PTPRN2: variants seen among roughly 807,000 people sequenced by gnomAD.
PTPRN2 encodes protein tyrosine phosphatase receptor type N2.
In PTPRN2, 74 loss-of-function variants were observed where a neutral mutation model predicts 118.8. That is an observed-to-expected ratio of 0.62 (90% CI 0.52 to 0.76). PTPRN2 has a LOEUF of 0.76. PTPRN2 is among the 30% of genes least tolerant of loss of function. The pLI is 0.00. For synonymous variants in PTPRN2, 641 were observed against 608.0 expected, an observed-to-expected ratio of 1.05 and a Z score of -0.80; for missense variants, 1,481 against 1,394.4, an observed-to-expected ratio of 1.06 and a Z score of -0.99.
chr7:157,789,635 G>T (rs1293086684), intron 12 of PTPRN2, among the ~76,000 whole-genome samples: 1 of 151,810 alleles, frequency 6.6e-6, no homozygotes, highest in African/African-American at 2.4e-5. Context: ...GTGGTGTGTG[G>T]TGTGAAATGT....
Position 157,958,759 on chromosome 7 carries a change from C to G in PTPRN2, c.1724-60022G>C, listed in dbSNP as rs558351308. Among the ~76,000 whole-genome samples, 6 of 152,256 alleles carry G rather than the reference C, an allele frequency of 3.9e-5. No individual in the cohort carries two copies. In the South Asian group the frequency reaches 1.2e-3, roughly 32 times the overall value. On this transcript the variant is annotated intron_variant, in intron 11 of 22. Transcript: ENST00000389418. ...AAGTGTTGTTAAATGAAAGAAGACA[C>G]AAATAAGTGGAAAGACATCCCATCT...
intron 2 of PTPRN2, among the ~76,000 whole-genome samples, chr7:158,332,621 T>G (rs1400232012): frequency 6.7e-6 from 1 of 148,512 alleles, no homozygotes; most frequent in Non-Finnish European, 1.5e-5. Context: ...CCTGCAGATG[T>G]CACTCACACC....
chr7:157,720,930 G>A (rs972769166), intron 12 of PTPRN2, among the ~76,000 whole-genome samples: 15 of 152,284 alleles, frequency 9.9e-5, no homozygotes, highest in Admixed American at 5.9e-4. Flanking sequence ...AAAGCCCCTC[G>A]CGAGTTGAGG....
chr7:157,833,039 T>C (rs1240064177), intron 12 of PTPRN2, among the ~76,000 whole-genome samples: 1 of 151,606 alleles, frequency 6.6e-6, no homozygotes, highest in Non-Finnish European at 1.5e-5. Flanking sequence ...TCCTGTATGA[T>C]GGTAAACTCG....
intron 1 of PTPRN2, among the ~76,000 whole-genome samples, chr7:158,568,692 T>C (rs1827800732): frequency 6.6e-6 from 1 of 152,196 alleles, no homozygotes; most frequent in South Asian, 2.1e-4. Context: ...TTCTATCTTT[T>C]TAATTTCACA....
At chr7:158,151,674 T>G (rs1403708708) in intron 6 of PTPRN2, among the ~76,000 whole-genome samples, 1 of 152,112 alleles carries the variant, frequency 6.6e-6, no homozygotes, top group Non-Finnish European at 1.5e-5. Flanking sequence ...TCCCTCTTGT[T>G]TCCTTTCCCT....
At chr7:157,621,601 G>T (rs919495129) in intron 14 of PTPRN2, 92 bp from the exon 15 acceptor site, 12 of 1,517,328 alleles carry the variant, frequency 7.9e-6, no homozygotes, top group Non-Finnish European at 1.1e-5. Context: ...TGCACTCGCC[G>T]CGTGGGCCAT....
intron 2 of PTPRN2, among the ~76,000 whole-genome samples, chr7:158,337,192 C>G (rs1805774588): frequency 6.6e-6 from 1 of 152,170 alleles, no homozygotes; most frequent in Non-Finnish European, 1.5e-5. Flanking sequence ...CACCGACACT[C>G]TCACCATAAG....
At chr7:157,544,911 C>G (rs1467007011) in intron 22 of PTPRN2, among the ~76,000 whole-genome samples, 1 of 144,578 alleles carries the variant, frequency 6.9e-6, no homozygotes, top group Admixed American at 6.8e-5. Context: ...TGGGTGTGTG[C>G]AGCAGTGCAG....
chr7:157,928,591 G>A (rs1218643180), intron 11 of PTPRN2, among the ~76,000 whole-genome samples: 2 of 151,760 alleles, frequency 1.3e-5, no homozygotes, highest in Non-Finnish European at 2.9e-5. Flanking sequence ...CCGTGTCTCA[G>A]CGTCACTACC....
At chr7:158,213,206 TTGTGTGTGTGTGTGTGTGTG>T (rs57665784) in intron 3 of PTPRN2, among the ~76,000 whole-genome samples, 15 of 140,424 alleles carry the variant, frequency 1.1e-4, no homozygotes, top group Admixed American at 5.0e-4. Context: ...GGCTCTGTGC[TTGTGTGTGTGTGTGTGTGTG>T]TGTGTGTGTG....
intron 1 of PTPRN2, among the ~76,000 whole-genome samples, chr7:158,492,687 T>C (rs1335026977): frequency 6.6e-6 from 1 of 152,248 alleles, no homozygotes; most frequent in East Asian, 1.9e-4. Context: ...ATATGCTAAT[T>C]TGACTGCTAA....
At chr7:157,770,713 C>T (rs55877211) in intron 12 of PTPRN2, among the ~76,000 whole-genome samples, 17,241 of 152,246 alleles carry the variant, frequency 0.11, 1,072 homozygotes, top group Middle Eastern at 0.16. Flanking sequence ...CGGACATCCT[C>T]GGGAAGAGCG....
intron 11 of PTPRN2, among the ~76,000 whole-genome samples, chr7:158,071,348 CGTGGTGGTGGAGGTGCT>C (rs1811522781): frequency 2.2e-5 from 2 of 89,560 alleles, no homozygotes; most frequent in African/African-American, 9.1e-5. Flanking sequence ...TGGAGGTGCT[CGTGGTGGTGGAGGTGCT>C]CATGGTGGTG....
chr7:158,162,711 G>A (rs1226659877), intron 6 of PTPRN2, among the ~76,000 whole-genome samples: 1 of 152,038 alleles, frequency 6.6e-6, no homozygotes, highest in Non-Finnish European at 1.5e-5. Flanking sequence ...CTGCTTTAAA[G>A]CTCTTTGAAA....
At chr7:157,656,673 C>G in intron 13 of PTPRN2, 122 bp from the exon 14 acceptor site, 1 of 1,057,852 alleles carries the variant, frequency 9.5e-7, no homozygotes, top group Non-Finnish European at 1.4e-6. Flanking sequence ...TTCAGGCAGG[C>G]GAGAGTTTAC....
At chr7:157,709,831 T>C (rs1008833144) in intron 12 of PTPRN2, among the ~76,000 whole-genome samples, 7 of 152,160 alleles carry the variant, frequency 4.6e-5, no homozygotes, top group Non-Finnish European at 1.0e-4. Flanking sequence ...GAGCTGGAAT[T>C]CAAGGATGGA....
chr7:158,547,710 G>T (rs1407586332), intron 1 of PTPRN2, among the ~76,000 whole-genome samples: 1 of 152,198 alleles, frequency 6.6e-6, no homozygotes, highest in East Asian at 1.9e-4. Flanking sequence ...GCTGATTCAT[G>T]CTAGAAACAA....
At chr7:157,658,776 G>A (rs544392690) in intron 13 of PTPRN2, among the ~76,000 whole-genome samples, 1 of 152,322 alleles carries the variant, frequency 6.6e-6, no homozygotes, top group Admixed American at 6.5e-5. Flanking sequence ...CCCAGAAAAA[G>A]TTTATAAGAG....
Sources: allele counts gnomAD v4.1 joint callset (sites outside exome capture counted in the v4.1 genomes callset), GRCh38; gene constraint gnomAD v4.1.1; transcripts MANE v1.5; gene names NCBI Gene and HGNC (gene_info 2026-07-23, HGNC 2026-07-21).